ZMAT4: variants seen among roughly 807,000 people sequenced by gnomAD.
ZMAT4 encodes zinc finger matrin-type protein 4.
In ZMAT4, 17 loss-of-function variants were observed where a neutral mutation model predicts 28.7. The ratio of observed to expected loss-of-function variants is 0.59; its 90% CI spans 0.41 to 0.89. ZMAT4 has a LOEUF of 0.89. Among genes scored for constraint, ZMAT4 ranks in the 40% least tolerant of loss-of-function variants. The probability of loss-of-function intolerance (pLI) is 0.00; values close to 1 mark genes in which losing one functional copy is unlikely to be tolerated. For synonymous variants in ZMAT4, 117 were observed against 109.2 expected, an observed-to-expected ratio of 1.07 and a Z score of -0.44; for missense variants, 240 against 283.8, an observed-to-expected ratio of 0.85 and a Z score of 1.11.
intron 1 of ZMAT4, among the ~76,000 whole-genome samples, chr8:40,838,354 A>G (rs1019296478): frequency 1.3e-5 from 2 of 151,638 alleles, no homozygotes; most frequent in African/African-American, 4.8e-5. Flanking sequence ...TTATTTTTTT[A>G]TTTCCTGAGA....
At chr8:40,762,269 G>T (rs1465096559) in intron 3 of ZMAT4, among the ~76,000 whole-genome samples, 2 of 152,174 alleles carry the variant, frequency 1.3e-5, no homozygotes, top group Non-Finnish European at 2.9e-5. Context: ...GCACATGTAC[G>T]TAGTTAAGAA....
intron 4 of ZMAT4, among the ~76,000 whole-genome samples, chr8:40,692,493 A>G (rs1809704973): frequency 6.6e-6 from 1 of 152,342 alleles, no homozygotes; most frequent in African/African-American, 2.4e-5. Context: ...GCAAAGTATC[A>G]CAATAAAGGC....
intron 4 of ZMAT4, among the ~76,000 whole-genome samples, chr8:40,687,926 T>C (rs982949693): frequency 1.3e-5 from 2 of 152,178 alleles, no homozygotes; most frequent in African/African-American, 4.8e-5. Flanking sequence ...CTCAGTTAAG[T>C]GATCTCAACA....
intron 5 of ZMAT4, among the ~76,000 whole-genome samples, chr8:40,634,709 A>G (rs1217442487): frequency 6.6e-6 from 1 of 152,198 alleles, no homozygotes; most frequent in Non-Finnish European, 1.5e-5. Flanking sequence ...TGATCTTAAG[A>G]CCAATTACCT....
intron 2 of ZMAT4, among the ~76,000 whole-genome samples, chr8:40,796,464 G>C (rs1586066203): frequency 6.6e-6 from 1 of 152,296 alleles, no homozygotes; most frequent in East Asian, 1.9e-4. Context: ...AAGGAACAGA[G>C]CAAGTGCTGA....
chr8:40,728,491 T>C (rs1174262776), intron 3 of ZMAT4, among the ~76,000 whole-genome samples: 4 of 152,180 alleles, frequency 2.6e-5, no homozygotes, highest in Admixed American at 6.5e-5. Context: ...TGCTTTGTTG[T>C]GGAGGGCCAT....
At chr8:40,781,702 C>T (rs1813833935) in intron 2 of ZMAT4, among the ~76,000 whole-genome samples, 1 of 126,486 alleles carries the variant, frequency 7.9e-6, no homozygotes, top group Admixed American at 1.0e-4. Flanking sequence ...GCGGAGCTTG[C>T]AGTGAGCCGA....
In ZMAT4 at chr8:40,674,811, G is replaced by A. The variant is rs760109127; in HGVS notation, c.470C>T (p.Pro157Leu). 3 of 1,613,928 alleles carry A rather than the reference G, an allele frequency of 1.9e-6. No homozygotes were observed. The highest frequency in any genetic ancestry group is 2.5e-6 in the Non-Finnish European group (3 of 1,179,916). ...ATCATAATGTTGCTGGGCCATCAGAGGGTTATTAAACCAGGCTGCACAGAG... is the reference window on the plus strand; with the variant it reads ...ATCATAATGTTGCTGGGCCATCAGAAGGTTATTAAACCAGGCTGCACAGAG... ...CGLCAAWFNNPLMAQQHYDGK... is the reference protein window; with the variant it reads ...CGLCAAWFNNLLMAQQHYDGK... Residue 157 changes from proline (P) to leucine (L), a missense_variant, in exon 5 of 7, where the codon CCT (proline) becomes CTT (leucine). Pro to Leu is a moderately conservative substitution (Grantham distance 98). Coordinates refer to ENST00000297737, the MANE Select transcript of ZMAT4 (RefSeq NM_024645.3).
At chr8:40,859,156 T>C (rs1817402044) in intron 1 of ZMAT4, among the ~76,000 whole-genome samples, 1 of 152,174 alleles carries the variant, frequency 6.6e-6, no homozygotes, top group Admixed American at 6.5e-5. Context: ...CCTGGGAAAT[T>C]AGATTTATGC....
chr8:40,891,102 G>A (rs568725091), intron 1 of ZMAT4, among the ~76,000 whole-genome samples: 1 of 150,098 alleles, frequency 6.7e-6, no homozygotes, highest in Non-Finnish European at 1.5e-5. Flanking sequence ...GGGAGCTAAG[G>A]TGGGAGGATT....
At chr8:40,726,017 C>T (rs1189324710) in intron 3 of ZMAT4, among the ~76,000 whole-genome samples, 2 of 152,236 alleles carry the variant, frequency 1.3e-5, no homozygotes, top group African/African-American at 4.8e-5. Context: ...TCATCACTGG[C>T]ATTTTCCTAA....
At chr8:40,631,282 C>T (rs543713067) in intron 5 of ZMAT4, among the ~76,000 whole-genome samples, 6 of 152,122 alleles carry the variant, frequency 3.9e-5, no homozygotes, top group South Asian at 2.1e-4. Flanking sequence ...CTCAGCCTCC[C>T]GAGTAGTTGG....
At chr8:40,709,020 T>C (rs906262097) in intron 3 of ZMAT4, among the ~76,000 whole-genome samples, 5 of 152,156 alleles carry the variant, frequency 3.3e-5, no homozygotes, top group Non-Finnish European at 7.3e-5. Flanking sequence ...GCAGTCATCC[T>C]TCAGTATCCA....
intron 3 of ZMAT4, among the ~76,000 whole-genome samples, chr8:40,717,189 A>G (rs1810894427): frequency 6.6e-6 from 1 of 152,198 alleles, no homozygotes; most frequent in African/African-American, 2.4e-5. Context: ...AAGGTCCTTA[A>G]GTCCCAATTT....
At chr8:40,662,519 C>T (rs1648016076) in intron 5 of ZMAT4, among the ~76,000 whole-genome samples, 2 of 152,124 alleles carry the variant, frequency 1.3e-5, no homozygotes, top group African/African-American at 4.8e-5. Flanking sequence ...AAGCCAAGCT[C>T]TCATCTCTTT....
At chr8:40,820,949 GTGTGTGTC>G (rs934758759) in intron 2 of ZMAT4, among the ~76,000 whole-genome samples, 1 of 150,236 alleles carries the variant, frequency 6.7e-6, no homozygotes, top group Non-Finnish European at 1.5e-5. Flanking sequence ...GGGCATATAT[GTGTGTGTC>G]TGTGTGTATG....
intron 5 of ZMAT4, among the ~76,000 whole-genome samples, chr8:40,618,178 T>G (rs187465281): frequency 2.6e-5 from 4 of 152,290 alleles, no homozygotes; most frequent in African/African-American, 7.2e-5. Flanking sequence ...AATATGACTT[T>G]TCAGACTCAA....
intron 1 of ZMAT4, among the ~76,000 whole-genome samples, chr8:40,839,842 A>G (rs1816639392): frequency 6.6e-6 from 1 of 152,222 alleles, no homozygotes; most frequent in African/African-American, 2.4e-5. Context: ...AAATTAGTTA[A>G]TGAATGATGG....
intron 1 of ZMAT4, among the ~76,000 whole-genome samples, chr8:40,841,241 C>G (rs1276740626): frequency 6.6e-6 from 1 of 152,208 alleles, no homozygotes; most frequent in Non-Finnish European, 1.5e-5. Context: ...TCCCCAGGAC[C>G]TCAGCCTACC....
Sources: gnomAD v4.1 joint callset for allele counts (sites outside exome capture counted in the v4.1 genomes callset) on GRCh38, gnomAD v4.1.1 for gene constraint, MANE v1.5 for transcripts, NCBI Gene and HGNC (gene_info 2026-07-23, HGNC 2026-07-21) for gene names.